The following LRRC4C variants were observed in gnomAD, a reference collection of about 807,000 sequenced individuals.
LRRC4C encodes the protein leucine rich repeat containing 4C, also known as leucine-rich repeat-containing protein 4C.
Under a neutral mutation model 33.6 loss-of-function variants are expected in LRRC4C, and 5 were observed. The observed-to-expected ratio is 0.15, with a 90% CI of 0.08 to 0.31. The LOEUF (loss-of-function observed/expected upper bound fraction) is 0.31. Among genes scored for constraint, LRRC4C ranks in the 10% least tolerant of loss-of-function variants. The pLI is 1.00. For missense variants in LRRC4C, 560 were observed against 796.7 expected (o/e 0.70, Z 3.58); for synonymous variants, 329 against 302.0 (o/e 1.09, Z -0.93).
intron 3 of LRRC4C, among the ~76,000 whole-genome samples, chr11:40,583,615 A>G (rs944397872): frequency 6.6e-6 from 1 of 151,864 alleles, no homozygotes; most frequent in Non-Finnish European, 1.5e-5. Context: ...CCTTTTTCCC[A>G]TCTCAGGGAT....
chr11:40,744,668 A>G (rs1188822420), intron 2 of LRRC4C, among the ~76,000 whole-genome samples: 2 of 152,130 alleles, frequency 1.3e-5, no homozygotes, highest in African/African-American at 2.4e-5. Flanking sequence ...AACCCTATGC[A>G]TGGTGTTATT....
At chr11:41,183,467 C>T (rs184684900) in intron 1 of LRRC4C, among the ~76,000 whole-genome samples, 199 of 152,238 alleles carry the variant, frequency 1.3e-3, no homozygotes, top group Non-Finnish European at 1.2e-3. Flanking sequence ...TGAAATCCAG[C>T]GGGTCAGTCA....
At chr11:41,218,836 C>T (rs1285703953) in intron 1 of LRRC4C, among the ~76,000 whole-genome samples, 1 of 136,386 alleles carries the variant, frequency 7.3e-6, no homozygotes, top group Admixed American at 8.6e-5. Context: ...GTTGCGATCT[C>T]GGCTCACAGC....
At chr11:40,238,008 C>T (rs767855751) in intron 5 of LRRC4C, among the ~76,000 whole-genome samples, 4 of 152,156 alleles carry the variant, frequency 2.6e-5, no homozygotes, top group Non-Finnish European at 4.4e-5. Context: ...TGAATTAATT[C>T]GGATATATTG....
intron 2 of LRRC4C, among the ~76,000 whole-genome samples, chr11:40,837,084 T>A (rs1001881973): frequency 6.6e-5 from 10 of 152,168 alleles, no homozygotes; most frequent in Non-Finnish European, 1.0e-4. Context: ...AAAAATGAGA[T>A]CCTCCGTTTT....
chr11:40,348,322 G>A (rs370184305), intron 3 of LRRC4C, among the ~76,000 whole-genome samples: 8 of 151,258 alleles, frequency 5.3e-5, no homozygotes, highest in East Asian at 1.9e-4. Flanking sequence ...CAAGGTATGC[G>A]TGCATCACCT....
chr11:40,129,458 A>T (rs1477172549), intron 6 of LRRC4C, among the ~76,000 whole-genome samples: 2 of 152,112 alleles, frequency 1.3e-5, no homozygotes, highest in African/African-American at 2.4e-5. Context: ...ATGTTTGACC[A>T]AACAATGCCC....
chr11:40,815,582 T>C (rs553111642), intron 2 of LRRC4C, among the ~76,000 whole-genome samples: 18 of 152,288 alleles, frequency 1.2e-4, no homozygotes, highest in African/African-American at 4.1e-4. Flanking sequence ...CTACCACCCA[T>C]ACTTTTAAAA....
intron 3 of LRRC4C, among the ~76,000 whole-genome samples, chr11:40,323,573 A>G (rs1440055595): frequency 1.3e-5 from 2 of 152,218 alleles, no homozygotes; most frequent in Non-Finnish European, 2.9e-5. Context: ...TATCCACTAA[A>G]GTTATAAAAT....
At chr11:40,255,258 T>C in intron 4 of LRRC4C, among the ~76,000 whole-genome samples, 1 of 151,976 alleles carries the variant, frequency 6.6e-6, no homozygotes, top group South Asian at 2.1e-4. Flanking sequence ...CCCGACGCAG[T>C]CTGGGATGTG....
intron 1 of LRRC4C, among the ~76,000 whole-genome samples, chr11:41,325,152 G>A (rs1951070667): frequency 6.6e-6 from 1 of 152,150 alleles, no homozygotes; most frequent in South Asian, 2.1e-4. Flanking sequence ...CCTAAGAAGA[G>A]TGTTTTCCTT....
intron 5 of LRRC4C, among the ~76,000 whole-genome samples, chr11:40,157,953 T>C (rs1262985126): frequency 6.6e-6 from 1 of 152,172 alleles, no homozygotes; most frequent in Non-Finnish European, 1.5e-5. Flanking sequence ...TTGAAAAAGA[T>C]ACTTGCACAC....
chr11:40,719,920 A>G (rs921922656), intron 2 of LRRC4C, among the ~76,000 whole-genome samples: 1 of 144,758 alleles, frequency 6.9e-6, no homozygotes, highest in Non-Finnish European at 1.5e-5. Flanking sequence ...AAACTATCCA[A>G]CTTGCTTCCT....
In LRRC4C at chr11:40,765,097, G is replaced by A. The variant is rs529704357; in HGVS notation, c.-406-116819C>T. On this transcript the variant is annotated intron_variant, in intron 2 of 6. Coordinates refer to ENST00000528697, the MANE Select transcript of LRRC4C (RefSeq NM_001258419.2). ...GACTTCGCCAAACAAACAAAAAAGGGACCAGTGACCAGCTGCAAAGTGATA... is the reference window on the plus strand; with the variant it reads ...GACTTCGCCAAACAAACAAAAAAGGAACCAGTGACCAGCTGCAAAGTGATA... Among the ~76,000 whole-genome samples the A allele has an allele frequency of 1.1e-3, 165 of 152,272 alleles. 4 individuals are homozygous for A. The South Asian group carries it at 0.033, about 31-fold the overall frequency.
intron 3 of LRRC4C, among the ~76,000 whole-genome samples, chr11:40,614,391 C>T (rs1961545409): frequency 6.9e-6 from 1 of 144,470 alleles, no homozygotes; most frequent in Admixed American, 7.1e-5. Flanking sequence ...AACTTTTCTC[C>T]TGATGCTTCC....
intron 1 of LRRC4C, among the ~76,000 whole-genome samples, chr11:41,219,594 C>A (rs927712314): frequency 3.9e-5 from 6 of 152,146 alleles, no homozygotes; most frequent in African/African-American, 1.4e-4. Flanking sequence ...CATTTATTTG[C>A]TATGGCACTT....
chr11:41,125,672 C>T (rs886572747), intron 1 of LRRC4C, among the ~76,000 whole-genome samples: 12 of 152,034 alleles, frequency 7.9e-5, no homozygotes, highest in African/African-American at 2.9e-4. Context: ...ACATTTGAAA[C>T]TGGTATGGCT....
intron 1 of LRRC4C, among the ~76,000 whole-genome samples, chr11:41,051,683 C>A (rs1305152291): frequency 2.0e-5 from 3 of 151,712 alleles, no homozygotes; most frequent in African/African-American, 4.8e-5. Flanking sequence ...AATTCTGCCT[C>A]TGCTTTTCTC....
intron 2 of LRRC4C, among the ~76,000 whole-genome samples, chr11:40,861,388 T>C (rs1370432717): frequency 2.0e-5 from 3 of 152,166 alleles, no homozygotes; most frequent in Non-Finnish European, 4.4e-5. Context: ...TTTAGTCCTT[T>C]TAAGAACAGG....
Sources: gnomAD v4.1 joint callset for allele counts (sites outside exome capture counted in the v4.1 genomes callset) on GRCh38, gnomAD v4.1.1 for gene constraint, MANE v1.5 for transcripts, NCBI Gene and HGNC (gene_info 2026-07-23, HGNC 2026-07-21) for gene names.